PTCH1: variants seen among roughly 807,000 people sequenced by gnomAD.
PTCH1 encodes protein patched homolog 1.
A neutral mutation model predicts 144.6 loss-of-function variants in PTCH1; 14 were observed. The observed-to-expected ratio is 0.10, with a 90% CI of 0.06 to 0.15. The LOEUF (loss-of-function observed/expected upper bound fraction) is 0.15. Ranked by LOEUF, PTCH1 falls within the 10% of genes least tolerant of loss-of-function variation. PTCH1 has a pLI of 1.00. For missense variants in PTCH1, 1,623 were observed against 1,948.3 expected (o/e 0.83, Z 3.14); for synonymous variants, 833 against 793.6 (o/e 1.05, Z -0.83).
chr9:95,511,893 C>T (rs906175214), upstream of PTCH1, among the ~76,000 whole-genome samples: 1 of 152,198 alleles, frequency 6.6e-6, no homozygotes, highest in East Asian at 1.9e-4. Context: ...ATATTTCAAG[C>T]TTGCTGGAGG....
chr9:95,500,860 G>A (rs1200624338), intron 2 of PTCH1, among the ~76,000 whole-genome samples: 1 of 152,214 alleles, frequency 6.6e-6, no homozygotes, highest in Non-Finnish European at 1.5e-5. Flanking sequence ...GGGTTGAGGT[G>A]CAACCAGTCT....
At chr9:95,467,550 G>A (rs900200844) in intron 14 of PTCH1, 125 bp from the exon 15 acceptor site, 124 of 926,526 alleles carry the variant, frequency 1.3e-4, no homozygotes, top group Admixed American at 2.9e-4. Flanking sequence ...TCTTGTAGGG[G>A]TTGTTCTCCC....
chr9:95,447,818 C>A (rs1017179380), intron 22 of PTCH1, among the ~76,000 whole-genome samples: 5 of 152,338 alleles, frequency 3.3e-5, no homozygotes, highest in African/African-American at 9.6e-5. Flanking sequence ...GCTAAGTGTG[C>A]GGCCCTGGCT....
intron 20 of PTCH1, chr9:95,452,273 T>A (rs1838521024): frequency 6.6e-6 from 1 of 152,020 alleles, no homozygotes; most frequent in Non-Finnish European, 1.5e-5. Context: ...GGCTAAAACT[T>A]CTAGTTGAAA....
At chr9:95,502,740 C>T (rs994321192) in intron 2 of PTCH1, among the ~76,000 whole-genome samples, 9 of 152,090 alleles carry the variant, frequency 5.9e-5, no homozygotes, top group Non-Finnish European at 8.8e-5. Context: ...TGCACACACA[C>T]GGACTCTTTC....
chr9:95,451,076 T>C (rs1282134165), intron 20 of PTCH1: 1 of 152,214 alleles, frequency 6.6e-6, no homozygotes, highest in Non-Finnish European at 1.5e-5. Context: ...AGTGCTGCCA[T>C]GTCTATATAT....
chr9:95,458,158 C>G lies in PTCH1; in HGVS notation c.3023G>C (p.Ser1008Thr), dbSNP rs1286123273. The G allele has an allele frequency of 6.2e-7, 1 of 1,614,242 alleles. No individual in the cohort carries two copies. Among genetic ancestry groups the G allele is most frequent in the Non-Finnish European group, 8.5e-7 (1 of 1,180,046 alleles). Residue 1008 changes from serine (S) to threonine (T), a missense_variant, in exon 18 of 24, where the codon AGT becomes ACT. Ser to Thr is a moderately conservative substitution (Grantham distance 58). Coordinates refer to ENST00000331920, the MANE Select transcript of PTCH1 (RefSeq NM_000264.5). This position sits in a 1 kb window ranked among gnomAD's most constrained non-coding sequence, Gnocchi z 4.7. ...CSNYTSLGLS[S>T]YPNGYPFLFW... ...GAGGAAGGGGTAGCCGTTGGGGTAA[C>G]TGGACAGCCCCAGGCTCGTATAGTT...
At chr9:95,482,278 CAT>C (rs1447686456) in intron 3 of PTCH1, 75 bp from the exon 4 acceptor site, 13 of 1,402,926 alleles carry the variant, frequency 9.3e-6, no homozygotes, top group Non-Finnish European at 1.3e-5. Context: ...AATGATAGAA[CAT>C]ATAAAAAGAA....
At position 95,481,946 on chromosome 9, in the gene PTCH1, T is replaced by C. The variant is rs1841567989; in HGVS notation, c.746+3A>G. ...ACATCAGAAAGCATGATCACACACT[T>C]ACAGGAGGTATGCTGTCCCAGACTG... On this transcript the variant is annotated splice_donor_region_variant and intron_variant, in intron 5 of 23. Coordinates refer to ENST00000331920, the MANE Select transcript of PTCH1 (RefSeq NM_000264.5). The C allele has an allele frequency of 6.2e-7, 1 of 1,603,866 alleles. No individual in the cohort carries two copies. Among genetic ancestry groups the C allele is most frequent in the Non-Finnish European group, 8.5e-7 (1 of 1,170,628 alleles).
intron 3 of PTCH1, chr9:95,483,744 T>C (rs1205163816): frequency 1.3e-5 from 2 of 152,240 alleles, no homozygotes; most frequent in Admixed American, 6.5e-5. Context: ...CTTACCCATA[T>C]CTCCGCCATC....
At chr9:95,477,054 G>A (rs1293747434) in intron 10 of PTCH1, among the ~76,000 whole-genome samples, 197 bp from the exon 11 acceptor site, 3 of 152,206 alleles carry the variant, frequency 2.0e-5, no homozygotes, top group Admixed American at 6.5e-5. Flanking sequence ...TTTCTACTTC[G>A]AAAGTCAGTG....
intron 3 of PTCH1, chr9:95,482,907 A>C (rs1313178615): frequency 6.5e-6 from 1 of 152,798 alleles, no homozygotes; most frequent in East Asian, 1.9e-4. Context: ...CCCTATCTCT[A>C]TAATGAATGA....
chr9:95,494,703 A>G (rs972105138), intron 2 of PTCH1, among the ~76,000 whole-genome samples: 1 of 152,234 alleles, frequency 6.6e-6, no homozygotes, highest in Non-Finnish European at 1.5e-5. Context: ...AGCAGCAGGC[A>G]GCAGAACCCA....
chr9:95,483,924 A>G (rs933635144), intron 3 of PTCH1: 2 of 152,244 alleles, frequency 1.3e-5, no homozygotes, highest in Non-Finnish European at 2.9e-5. Flanking sequence ...TTGAAGCCAG[A>G]AAAAGGCTTT....
intron 3 of PTCH1, chr9:95,483,998 C>T (rs1012026111): frequency 2.1e-4 from 32 of 152,212 alleles, no homozygotes; most frequent in African/African-American, 7.5e-4. Flanking sequence ...TAGTCTAATT[C>T]CCAGTTTTCT....
At chr9:95,446,787 G>C (rs928640565) in intron 23 of PTCH1, 124 bp downstream of exon 23, 110 of 1,279,890 alleles carry the variant, frequency 8.6e-5, no homozygotes, top group Non-Finnish European at 1.1e-4. Context: ...AAGGTCACTG[G>C]GGTCCAGCGT....
intron 2 of PTCH1, among the ~76,000 whole-genome samples, chr9:95,504,095 G>A (rs1193445702): frequency 2.2e-5 from 3 of 137,464 alleles, no homozygotes; most frequent in East Asian, 2.3e-4. Flanking sequence ...TGAATCGTAA[G>A]GCATGCGATA....
chr9:95,449,617 G>A lies in PTCH1; in HGVS notation c.3549+224C>T. The A allele has an allele frequency of 4.6e-6, 3 of 646,964 alleles. No individual in the cohort carries two copies. Among genetic ancestry groups the A allele is most frequent in the South Asian group, 3.9e-5 (2 of 51,816 alleles). 40.1% of individuals were successfully genotyped at this position (646,964 alleles called of 1,614,324 possible). On this transcript the variant is annotated intron_variant, in intron 21 of 23. Transcript: ENST00000331920. This position sits in a 1 kb window ranked among gnomAD's most constrained non-coding sequence, Gnocchi z 5.3. ...GTCTTCATTTACTGTATAAAGATCT[G>A]TAAGACCCAGGCTGCCAATCAGTTG...
chr9:95,488,440 G>A (rs983258766), intron 2 of PTCH1, among the ~76,000 whole-genome samples: 4 of 152,124 alleles, frequency 2.6e-5, no homozygotes, highest in Non-Finnish European at 5.9e-5. Context: ...ACTATTAAAT[G>A]CAATTCACTT....
Sources: gnomAD v4.1 joint callset for allele counts (sites outside exome capture counted in the v4.1 genomes callset) on GRCh38, gnomAD v4.1.1 for gene constraint, Gnocchi (gnomAD v3.1) non-coding constraint, MANE v1.5 for transcripts, NCBI Gene and HGNC (gene_info 2026-07-23, HGNC 2026-07-21) for gene names.